The following KLHL32 variants were observed in gnomAD, a reference collection of about 807,000 sequenced individuals.
KLHL32 encodes kelch like family member 32, also known as kelch-like protein 32.
A neutral mutation model predicts 64.8 loss-of-function variants in KLHL32; 35 were observed. The observed-to-expected ratio is 0.54, with a 90% CI of 0.41 to 0.72. The LOEUF (loss-of-function observed/expected upper bound fraction) is 0.72, where lower values mean the gene tolerates loss of function less well. KLHL32 is among the 30% of genes least tolerant of loss of function. KLHL32 has a pLI of 0.00. For synonymous variants in KLHL32, 259 were observed against 281.0 expected, an observed-to-expected ratio of 0.92 and a Z score of 0.78; for missense variants, 589 against 768.5, an observed-to-expected ratio of 0.77 and a Z score of 2.76.
chr6:97,064,151 A>G (rs1288303864), intron 4 of KLHL32, among the ~76,000 whole-genome samples: 1 of 152,184 alleles, frequency 6.6e-6, no homozygotes, highest in Admixed American at 6.5e-5. Context: ...AGTAAAATGG[A>G]CTAATATCCA....
intron 5 of KLHL32, among the ~76,000 whole-genome samples, chr6:97,082,145 C>T (rs546264267): frequency 1.5e-4 from 23 of 152,026 alleles, no homozygotes; most frequent in East Asian, 5.8e-4. Flanking sequence ...GAAGTCCAGA[C>T]GGGATGATAA....
intron 4 of KLHL32, among the ~76,000 whole-genome samples, chr6:97,057,567 T>C (rs926952998): frequency 2.2e-5 from 3 of 137,516 alleles, no homozygotes; most frequent in African/African-American, 2.9e-5. Context: ...CCCGCCCCCA[T>C]TTCAAAAAAT....
At chr6:96,936,656 T>C (rs1243271305) in intron 1 of KLHL32, among the ~76,000 whole-genome samples, 1 of 152,238 alleles carries the variant, frequency 6.6e-6, no homozygotes, top group Non-Finnish European at 1.5e-5. Context: ...CAGAAGGTCT[T>C]CTTTGCCTCC....
upstream of KLHL32, among the ~76,000 whole-genome samples, chr6:96,924,104 G>A (rs1235458125): frequency 6.6e-6 from 1 of 152,158 alleles, no homozygotes; most frequent in Non-Finnish European, 1.5e-5. Context: ...TTCCCCTGAC[G>A]TTTCTTAAAG....
At position 97,056,368 on chromosome 6, in the gene KLHL32, G is replaced by A. The variant is rs1460949118; in HGVS notation, c.313-8260G>A. Among the ~76,000 whole-genome samples the A allele has an allele frequency of 4.6e-5, 7 of 152,166 alleles. No individual in the cohort carries two copies. In the East Asian group the frequency reaches 7.8e-4, roughly 17 times the overall value. Reference sequence around the variant, plus strand: ...GATCCTCCCGCCTTGGCCTCCCAAAGTGCTGGGATTACAAACGTGAGCCAC... The same window carrying A: ...GATCCTCCCGCCTTGGCCTCCCAAAATGCTGGGATTACAAACGTGAGCCAC... On this transcript the variant is annotated intron_variant, in intron 4 of 10. Coordinates refer to ENST00000369261, the MANE Select transcript of KLHL32 (RefSeq NM_052904.4).
chr6:96,978,122 C>T (rs1383076243), intron 3 of KLHL32, among the ~76,000 whole-genome samples: 4 of 152,032 alleles, frequency 2.6e-5, no homozygotes, highest in African/African-American at 9.7e-5. Flanking sequence ...TAGGTTTCAG[C>T]ATTTCAGTAT....
intron 3 of KLHL32, among the ~76,000 whole-genome samples, chr6:96,988,777 A>G (rs551357169): frequency 6.6e-6 from 1 of 152,224 alleles, no homozygotes; most frequent in Non-Finnish European, 1.5e-5. Flanking sequence ...TGCAACCATA[A>G]AAAAGGATGA....
chr6:97,003,283 G>A (rs144652711), intron 3 of KLHL32, among the ~76,000 whole-genome samples: 2 of 152,202 alleles, frequency 1.3e-5, no homozygotes, highest in Non-Finnish European at 2.9e-5. Flanking sequence ...CTTGTTAGCA[G>A]TATGTATGTC....
chr6:97,061,591 T>G (rs1788910299), intron 4 of KLHL32, among the ~76,000 whole-genome samples: 1 of 152,174 alleles, frequency 6.6e-6, no homozygotes, highest in Non-Finnish European at 1.5e-5. Context: ...GAGTCACCCT[T>G]CTTCCTATCT....
At chr6:97,061,288 G>A (rs946117) in intron 4 of KLHL32, among the ~76,000 whole-genome samples, 16,272 of 152,172 alleles carry the variant, frequency 0.11, 898 homozygotes, top group Non-Finnish European at 0.12. Context: ...GGGGGTAGAG[G>A]CAATGCCCAA....
chr6:97,112,481 C>G (rs1797271417), intron 6 of KLHL32, among the ~76,000 whole-genome samples: 1 of 150,800 alleles, frequency 6.6e-6, no homozygotes, highest in South Asian at 2.1e-4. Flanking sequence ...GAGTCTTGCT[C>G]TGTTGCCCAG....
At chr6:97,009,524 G>C (rs766496525) in intron 3 of KLHL32, among the ~76,000 whole-genome samples, 1 of 152,128 alleles carries the variant, frequency 6.6e-6, no homozygotes, top group Non-Finnish European at 1.5e-5. Flanking sequence ...GAAATGTTTG[G>C]AAAGTTGTGT....
intron 3 of KLHL32, among the ~76,000 whole-genome samples, chr6:96,986,886 C>T (rs1777165512): frequency 6.6e-6 from 1 of 152,166 alleles, no homozygotes; most frequent in African/African-American, 2.4e-5. Flanking sequence ...GTCCTGCACC[C>T]ACTTCCTGAC....
At chr6:97,009,847 A>C (rs992364456) in intron 3 of KLHL32, among the ~76,000 whole-genome samples, 1 of 152,106 alleles carries the variant, frequency 6.6e-6, no homozygotes, top group African/African-American at 2.4e-5. Flanking sequence ...TGTGGAGATT[A>C]TATGTTTTTG....
rs750242567 is a variant in KLHL32, at chr6:97,055,796, T to TAAAAAAAAAAAAAAAAAAAAAAAAAA, written c.313-8831_313-8806dup. ...CGAGGTAACAGACTGAGAACCTGTC[T>TAAAAAAAAAAAAAAAAAAAAAAAAAA]AAAAAAAAAAAAAAAAAAAAAAAAA... On this transcript the variant is annotated intron_variant, in intron 4 of 10. Transcript: ENST00000369261. 8.3e-3 allele frequency among the ~76,000 whole-genome samples: 671 copies of TAAAAAAAAAAAAAAAAAAAAAAAAAA among 80,998 alleles called. 115 individuals are homozygous for TAAAAAAAAAAAAAAAAAAAAAAAAAA. The highest frequency in any genetic ancestry group is 0.068 in the Middle Eastern group (9 of 132). The allele number at this position is 80,998 out of a possible 152,430, so 53.1% of individuals were successfully genotyped here. A position where few individuals can be genotyped will look rare whatever the true frequency, so the allele number is the denominator to read the frequency against.
intron 6 of KLHL32, among the ~76,000 whole-genome samples, chr6:97,106,505 G>A (rs1219428463): frequency 6.6e-6 from 1 of 152,114 alleles, no homozygotes; most frequent in East Asian, 1.9e-4. Flanking sequence ...CACTTTAGGA[G>A]GCCAAGGCAG....
Position 96,967,096 on chromosome 6 carries a change from G to A in KLHL32, c.23+13G>A. ...AACGCTGCCTCAGGTATGCCCTGTA[G>A]GATATGTCCTCACATGCCGTAGTGA... On this transcript the variant is annotated intron_variant, in intron 2 of 10. Transcript: ENST00000369261. The A allele has an allele frequency of 1.2e-6, 2 of 1,613,082 alleles. No homozygotes were observed. The highest frequency in any genetic ancestry group is 1.7e-6 in the Non-Finnish European group (2 of 1,179,502).
Position 97,104,471 on chromosome 6 carries a change from CA to C in KLHL32, c.628-9309del, listed in dbSNP as rs1266460184. ...AACATTTACCAATCTTTCAATTTCC[CA>C]AAGTTTTAAAGGAACAATGAAATAA... On this transcript the variant is annotated intron_variant, in intron 6 of 10. Transcript: ENST00000369261. Among the ~76,000 whole-genome samples the C allele has an allele frequency of 1.6e-4, 25 of 152,214 alleles. No individual in the cohort carries two copies. In the East Asian group the frequency reaches 3.5e-3, roughly 21 times the overall value.
chr6:96,925,219 C>T (rs1352190215), intron 1 of KLHL32, among the ~76,000 whole-genome samples, 193 bp downstream of exon 1: 1 of 152,136 alleles, frequency 6.6e-6, no homozygotes, highest in Admixed American at 6.5e-5. Flanking sequence ...TGGAGTCGCT[C>T]CCCCTTTCTT....
Sources: gnomAD v4.1 joint callset for allele counts (sites outside exome capture counted in the v4.1 genomes callset) on GRCh38, gnomAD v4.1.1 for gene constraint, MANE v1.5 for transcripts, NCBI Gene and HGNC (gene_info 2026-07-23, HGNC 2026-07-21) for gene names.